Variants in TGFBR1 observed in about 807,000 individuals in gnomAD.
TGFBR1 encodes TGF-beta receptor type-1.
Under a neutral mutation model 55.1 loss-of-function variants are expected in TGFBR1, and 20 were observed. The ratio of observed to expected loss-of-function variants is 0.36; its 90% CI spans 0.26 to 0.53. TGFBR1 has a LOEUF of 0.53. Among genes scored for constraint, TGFBR1 ranks in the 20% least tolerant of loss-of-function variants. TGFBR1 has a pLI of 0.91. For missense variants in TGFBR1, 385 were observed against 617.6 expected (o/e 0.62, Z 3.99); for synonymous variants, 220 against 214.8 (o/e 1.02, Z -0.21).
In TGFBR1 at chr9:99,144,647, G is replaced by C; in HGVS notation, c.974-85G>C. 3 of 1,524,416 alleles carry C rather than the reference G, an allele frequency of 2.0e-6. No homozygotes were observed. In the East Asian group the frequency reaches 6.8e-5, roughly 34 times the overall value. The allele number at this position is 1,524,416 out of a possible 1,614,324, so 94.4% of individuals were successfully genotyped here. A position where few individuals can be genotyped will look rare whatever the true frequency, so the allele number is the denominator to read the frequency against. On this transcript the variant is annotated intron_variant, in intron 5 of 8. Coordinates refer to ENST00000374994, the MANE Select transcript of TGFBR1 (RefSeq NM_004612.4). ...CTGAAATGCTTTGATAATTTGGGTT[G>C]GGAGAAGAGACTTTTGAACCTAAAG...
At chr9:99,122,037 C>CT (rs1449202035) in intron 1 of TGFBR1, among the ~76,000 whole-genome samples, 2 of 152,088 alleles carry the variant, frequency 1.3e-5, no homozygotes, top group Admixed American at 1.3e-4. Context: ...GGGTGGTACT[C>CT]TGTCTCATAT....
chr9:99,125,883 C>A (rs1017622310), intron 1 of TGFBR1, among the ~76,000 whole-genome samples: 10 of 152,262 alleles, frequency 6.6e-5, no homozygotes, highest in African/African-American at 2.4e-4. Context: ...TGATCACTAT[C>A]TAAGGAGCCA....
chr9:99,132,631 C>A lies in TGFBR1; in HGVS notation c.466C>A (p.His156Asn). Residue 156 changes from histidine (H) to asparagine (N), a missense_variant, in exon 3 of 9, where the codon CAT becomes AAT. His to Asn is a moderately conservative substitution (Grantham distance 68). Around this residue, in one of 5 missense-constraint regions of TGFBR1, gnomAD observed 146 missense variants for 167.7 expected, o/e 0.87. Transcript: ENST00000374994. ...CTGCCACAACCGCACTGTCATTCAC[C>A]ATCGAGTGCCAAATGAAGAGGACCC... ...YICHNRTVIHHRVPNEEDPSL... is the reference protein window; with the variant it reads ...YICHNRTVIHNRVPNEEDPSL... The A allele has an allele frequency of 6.8e-6, 11 of 1,614,170 alleles. No individual in the cohort carries two copies. Among genetic ancestry groups the A allele is most frequent in the Non-Finnish European group, 9.3e-6 (11 of 1,180,010 alleles).
In TGFBR1 at chr9:99,149,616, G is replaced by A. The variant is rs200804500; in HGVS notation, c.*311G>A. The A allele has an allele frequency of 4.8e-4, 190 of 391,862 alleles. No homozygotes were observed. Among genetic ancestry groups the A allele is most frequent in the Admixed American group, 3.8e-4 (9 of 23,762 alleles). The allele number at this position is 391,862 out of a possible 1,614,324, so 24.3% of individuals were successfully genotyped here. On this transcript the variant is annotated 3_prime_UTR_variant, in exon 9 of 9. Transcript: ENST00000374994. ...GGTCTTAACTTTAGGTAACTCTGCT[G>A]TGCTGGAGATCATCTTTAAGGGCAA...
chr9:99,115,789 T>A (rs1038315584), intron 1 of TGFBR1, among the ~76,000 whole-genome samples: 1 of 152,216 alleles, frequency 6.6e-6, no homozygotes, highest in African/African-American at 2.4e-5. Context: ...GATTGTGTAT[T>A]GTAGATTTCC....
rs1258621449 is a variant in TGFBR1, at chr9:99,153,118, T to C, written c.*3813T>C. On this transcript the variant is annotated 3_prime_UTR_variant, in exon 9 of 9. Coordinates refer to ENST00000374994, the MANE Select transcript of TGFBR1 (RefSeq NM_004612.4). ...AACGGAATAGGGTGTTTGATATTTCTTCATATGTTAAGGAGATGCTTCAAA... is the reference window on the plus strand; with the variant it reads ...AACGGAATAGGGTGTTTGATATTTCCTCATATGTTAAGGAGATGCTTCAAA... 2 of 227,164 alleles carry C rather than the reference T, an allele frequency of 8.8e-6. No homozygotes were observed. The highest frequency in any genetic ancestry group is 1.8e-5 in the Non-Finnish European group (2 of 114,040). 14.1% of individuals were successfully genotyped at this position (227,164 alleles called of 1,614,324 possible). A position where few individuals can be genotyped will look rare whatever the true frequency, so the allele number is the denominator to read the frequency against.
intron 1 of TGFBR1, among the ~76,000 whole-genome samples, chr9:99,128,415 T>C (rs1284788257): frequency 6.7e-6 from 1 of 149,766 alleles, no homozygotes; most frequent in East Asian, 2.0e-4. Flanking sequence ...TAATGGGTGG[T>C]AGTGTTTTCA....
chr9:99,149,411 G>T lies in TGFBR1; in HGVS notation c.*106G>T. 8.0e-6 allele frequency: 12 copies of T among 1,493,554 alleles called. No individual in the cohort carries two copies. The South Asian group carries it at 1.1e-4, about 14-fold the overall frequency. 92.5% of individuals were successfully genotyped at this position (1,493,554 alleles called of 1,614,324 possible). ...CACTGAGAGGGAACAGAAGGATATTGCTTCCTTTTGCAGCAGTGTAATAAA... is the reference window on the plus strand; with the variant it reads ...CACTGAGAGGGAACAGAAGGATATTTCTTCCTTTTGCAGCAGTGTAATAAA... On this transcript the variant is annotated 3_prime_UTR_variant, in exon 9 of 9. Coordinates refer to ENST00000374994, the MANE Select transcript of TGFBR1 (RefSeq NM_004612.4).
intron 8 of TGFBR1, among the ~76,000 whole-genome samples, chr9:99,148,251 C>T (rs572249691): frequency 3.6e-4 from 55 of 152,280 alleles, no homozygotes; most frequent in South Asian, 1.2e-3. Flanking sequence ...AAATGATTTT[C>T]CGTTTTATTC....
intron 1 of TGFBR1, among the ~76,000 whole-genome samples, chr9:99,109,345 G>A (rs1320395379): frequency 6.6e-6 from 1 of 152,168 alleles, no homozygotes; most frequent in Admixed American, 6.5e-5. Flanking sequence ...TTGGGGTGTA[G>A]TTAGAAGGCT....
intron 1 of TGFBR1, among the ~76,000 whole-genome samples, chr9:99,119,225 C>T (rs1358418922): frequency 6.6e-6 from 1 of 152,168 alleles, no homozygotes; most frequent in Non-Finnish European, 1.5e-5. Flanking sequence ...TCTCCTCTGC[C>T]CCGAGTCAAT....
intron 4 of TGFBR1, among the ~76,000 whole-genome samples, chr9:99,138,490 A>G (rs1225644349): frequency 6.6e-6 from 1 of 152,202 alleles, no homozygotes; most frequent in African/African-American, 2.4e-5. Context: ...ATGTTTCAAT[A>G]TGGACTATTG....
chr9:99,134,042 G>A (rs1275434031), intron 3 of TGFBR1, among the ~76,000 whole-genome samples: 1 of 151,206 alleles, frequency 6.6e-6, no homozygotes, highest in Non-Finnish European at 1.5e-5. Flanking sequence ...ATAATTGAGT[G>A]ATATTAAAGG....
chr9:99,147,831 C>T (rs752934940), intron 8 of TGFBR1, 47 bp downstream of exon 8: 2 of 1,609,258 alleles, frequency 1.2e-6, no homozygotes, highest in Non-Finnish European at 1.7e-6. Flanking sequence ...ACTGCTTCTG[C>T]TTAGTAAGCA....
intron 1 of TGFBR1, among the ~76,000 whole-genome samples, chr9:99,110,414 G>C (rs1234698025): frequency 6.6e-6 from 1 of 151,862 alleles, no homozygotes; most frequent in Admixed American, 6.6e-5. Context: ...AACCTTGAAT[G>C]GTAGTTGTAT....
chr9:99,142,913 G>A (rs1258464669), intron 5 of TGFBR1, among the ~76,000 whole-genome samples: 1 of 152,086 alleles, frequency 6.6e-6, no homozygotes, highest in Admixed American at 6.5e-5. Context: ...CAAAAAATTA[G>A]TCGGGCATGG....
At position 99,142,400 on chromosome 9, in the gene TGFBR1, G is replaced by A; in HGVS notation, c.806-136G>A. 5.5e-6 allele frequency: 5 copies of A among 912,126 alleles called. No homozygotes were observed. The East Asian group carries it at 1.0e-4, about 19-fold the overall frequency. The allele number at this position is 912,126 out of a possible 1,614,324, so 56.5% of individuals were successfully genotyped here. A position where few individuals can be genotyped will look rare whatever the true frequency, so the allele number is the denominator to read the frequency against. On this transcript the variant is annotated intron_variant, in intron 4 of 8. Transcript: ENST00000374994. ...TAAAACAAACAATGTAGAAGAAAAT[G>A]TGAAGGAAATACAGACTTAAGGTGG...
chr9:99,134,197 CATTTAAG>C (rs1345592139), intron 3 of TGFBR1, among the ~76,000 whole-genome samples: 1 of 152,072 alleles, frequency 6.6e-6, no homozygotes, highest in Non-Finnish European at 1.5e-5. Flanking sequence ...CATATCCATT[CATTTAAG>C]AATGAAGAAA....
intron 1 of TGFBR1, among the ~76,000 whole-genome samples, chr9:99,117,329 C>G (rs1826775819): frequency 6.6e-6 from 1 of 151,326 alleles, no homozygotes; most frequent in Admixed American, 6.6e-5. Flanking sequence ...GAATTCCTGA[C>G]CTCAGGTGAT....
Sources: allele counts gnomAD v4.1 joint callset (sites outside exome capture counted in the v4.1 genomes callset), GRCh38; gene constraint gnomAD v4.1.1; regional missense constraint gnomAD v4.1.1; transcripts MANE v1.5; gene names NCBI Gene and HGNC (gene_info 2026-07-23, HGNC 2026-07-21).